Variants in PCDHAC1 observed in about 807,000 individuals in gnomAD.
PCDHAC1 encodes protocadherin alpha-C1.
Under a neutral mutation model 60.0 loss-of-function variants are expected in PCDHAC1, and 42 were observed. That is an observed-to-expected ratio of 0.70 (90% CI 0.55 to 0.90). The LOEUF (loss-of-function observed/expected upper bound fraction) is 0.90. Ranked by LOEUF, PCDHAC1 falls within the 40% of genes least tolerant of loss-of-function variation. The pLI, the probability that PCDHAC1 is intolerant of heterozygous loss-of-function variation, is 0.00. For synonymous variants in PCDHAC1, 468 were observed against 499.3 expected (o/e 0.94, Z 0.84); for missense variants, 1,160 against 1,222.3 (o/e 0.95, Z 0.76).
chr5:141,001,811 C>A (rs1200900455), intron 3 of PCDHAC1, among the ~76,000 whole-genome samples: 1 of 152,128 alleles, frequency 6.6e-6, no homozygotes, highest in Non-Finnish European at 1.5e-5. Flanking sequence ...ATTCTACAAT[C>A]GGCCAAATTC....
intron 1 of PCDHAC1, among the ~76,000 whole-genome samples, chr5:140,950,537 C>T (rs1439965496): frequency 1.3e-5 from 2 of 152,002 alleles, no homozygotes; most frequent in Non-Finnish European, 1.5e-5. Flanking sequence ...TTTTGTTGCT[C>T]TTGCATGGCT....
intron 3 of PCDHAC1, among the ~76,000 whole-genome samples, chr5:140,986,669 G>C (rs1448376850): frequency 6.6e-6 from 1 of 152,138 alleles, no homozygotes; most frequent in African/African-American, 2.4e-5. Flanking sequence ...ACAGTTTTCA[G>C]AAGAGTTCAG....
At chr5:141,005,930 G>C (rs1179599253) in intron 3 of PCDHAC1, among the ~76,000 whole-genome samples, 1 of 151,958 alleles carries the variant, frequency 6.6e-6, no homozygotes, top group African/African-American at 2.4e-5. Context: ...CTGGTTGACA[G>C]AGTGAGAACC....
At chr5:140,938,631 T>C (rs1554212262) in intron 1 of PCDHAC1, among the ~76,000 whole-genome samples, 1 of 152,208 alleles carries the variant, frequency 6.6e-6, no homozygotes. Context: ...AGGTTGCTTA[T>C]GATGTATAAT....
chr5:140,985,885 G>A (rs1218097274), intron 3 of PCDHAC1, among the ~76,000 whole-genome samples: 4 of 151,548 alleles, frequency 2.6e-5, no homozygotes, highest in Non-Finnish European at 5.9e-5. Flanking sequence ...GACTACAGGC[G>A]CCCGCCACCA....
intron 1 of PCDHAC1, among the ~76,000 whole-genome samples, chr5:140,971,548 C>T (rs558563294): frequency 6.6e-6 from 1 of 152,246 alleles, no homozygotes; most frequent in African/African-American, 2.4e-5. Context: ...CCAGATCAAC[C>T]TGTTAAATTC....
At chr5:140,953,952 C>T (rs1025145135) in intron 1 of PCDHAC1, among the ~76,000 whole-genome samples, 1 of 152,084 alleles carries the variant, frequency 6.6e-6, no homozygotes, top group Non-Finnish European at 1.5e-5. Context: ...GCTCCCCCAA[C>T]AGGCCCCAGT....
intron 1 of PCDHAC1, among the ~76,000 whole-genome samples, chr5:140,946,530 C>T (rs2093957873): frequency 6.6e-6 from 1 of 150,514 alleles, no homozygotes; most frequent in African/African-American, 2.5e-5. Context: ...CTCCCATGTT[C>T]ATTGCAGCAT....
At chr5:140,988,698 A>AT (rs782470160) in intron 3 of PCDHAC1, among the ~76,000 whole-genome samples, 115 of 152,234 alleles carry the variant, frequency 7.6e-4, no homozygotes, top group Middle Eastern at 6.8e-3. Flanking sequence ...GACGCTCTGT[A>AT]TTTTCTTGGA....
chr5:140,967,779 C>G, intron 1 of PCDHAC1: 1 of 1,614,222 alleles, frequency 6.2e-7, no homozygotes, highest in Non-Finnish European at 8.5e-7. Flanking sequence ...GTGCAGGCGA[C>G]TGACCGGGGT....
chr5:140,969,123 C>G, intron 1 of PCDHAC1: 1 of 1,614,172 alleles, frequency 6.2e-7, no homozygotes, highest in Non-Finnish European at 8.5e-7. Flanking sequence ...GGGAATGGCT[C>G]CCTCACCAAG....
intron 1 of PCDHAC1, among the ~76,000 whole-genome samples, chr5:140,963,794 A>G (rs2095791576): frequency 6.6e-6 from 1 of 152,248 alleles, no homozygotes; most frequent in Non-Finnish European, 1.5e-5. Flanking sequence ...ACAATAATGT[A>G]CTTAACTAGT....
intron 1 of PCDHAC1, among the ~76,000 whole-genome samples, chr5:140,947,946 C>T (rs1396530064): frequency 2.0e-5 from 3 of 151,452 alleles, no homozygotes; most frequent in African/African-American, 7.3e-5. Flanking sequence ...AAAAGTGTTC[C>T]ATATTTTACA....
rs369906778 is a variant in PCDHAC1 at position 140,926,903 on chromosome 5, G to C, written c.11G>C (p.Cys4Ser). 8.3e-6 allele frequency: 13 copies of C among 1,557,942 alleles called. No homozygotes were observed. Among genetic ancestry groups the C allele is most frequent in the African/African-American group, 1.4e-5 (1 of 73,502 alleles). Residue 4 changes from cysteine (C) to serine (S), a missense_variant, in exon 1 of 4, where the codon TGT (cysteine) becomes TCT (serine). Cys to Ser is a moderately radical substitution (Grantham distance 112, BLOSUM62 -1). This residue lies in a region of PCDHAC1 where 43 missense variants were observed against 40.4 expected (regional missense o/e 1.06). Coordinates refer to ENST00000253807, the MANE Select transcript of PCDHAC1 (RefSeq NM_018898.5). MVG[C>S]GVAVLCLWVS... ...ACGCCTAGAGGGAGGATGGTGGGCT[G>C]TGGGGTGGCAGTTTTATGTTTGTGG...
intron 3 of PCDHAC1, among the ~76,000 whole-genome samples, chr5:140,997,683 T>C (rs782444752): frequency 6.6e-6 from 1 of 152,044 alleles, no homozygotes; most frequent in Non-Finnish European, 1.5e-5. Context: ...TGTGTGTGTG[T>C]GTGTGTGTGT....
intron 1 of PCDHAC1, among the ~76,000 whole-genome samples, chr5:140,960,030 C>T (rs75063622): frequency 0.012 from 1,781 of 152,150 alleles, 34 homozygotes; most frequent in African/African-American, 0.039. Flanking sequence ...TTGTTAAGTC[C>T]GGCTGTTTAT....
At chr5:140,968,431 G>A in intron 1 of PCDHAC1, 1 of 1,613,980 alleles carries the variant, frequency 6.2e-7, no homozygotes, top group Non-Finnish European at 8.5e-7. Context: ...AGGACAAGGG[G>A]AGCCCACCAC....
Position 141,010,035 on chromosome 5 carries a change from G to A in PCDHAC1, c.*98G>A. 7 of 1,582,518 alleles carry A rather than the reference G, an allele frequency of 4.4e-6. No individual in the cohort carries two copies. The South Asian group carries it at 7.1e-5, about 16-fold the overall frequency. ...CTGCTCCTTTTTCCTATCTACATGAGCCCTCTTAGAGACCTCAGAAATCTG... is the reference window on the plus strand; with the variant it reads ...CTGCTCCTTTTTCCTATCTACATGAACCCTCTTAGAGACCTCAGAAATCTG... On this transcript the variant is annotated 3_prime_UTR_variant, in exon 4 of 4. Coordinates refer to ENST00000253807, the MANE Select transcript of PCDHAC1 (RefSeq NM_018898.5).
chr5:140,940,502 G>A (rs182744023), intron 1 of PCDHAC1, among the ~76,000 whole-genome samples: 2 of 151,906 alleles, frequency 1.3e-5, no homozygotes, highest in Admixed American at 6.5e-5. Context: ...TTGCTCCGTC[G>A]CTCAGGCGTG....
Sources: gnomAD v4.1 joint callset for allele counts (sites outside exome capture counted in the v4.1 genomes callset) on GRCh38, gnomAD v4.1.1 for gene constraint, gnomAD v4.1.1 regional missense constraint, MANE v1.5 for transcripts, NCBI Gene and HGNC (gene_info 2026-07-23, HGNC 2026-07-21) for gene names.